TMEM63A: variants seen among roughly 807,000 people sequenced by gnomAD.
TMEM63A encodes the protein mechanosensitive cation channel TMEM63A.
A neutral mutation model predicts 100.6 loss-of-function variants in TMEM63A; 76 were observed. The ratio of observed to expected loss-of-function variants is 0.76; its 90% CI spans 0.63 to 0.91. The LOEUF is 0.91. TMEM63A is among the 40% of genes least tolerant of loss of function. The pLI, the probability that TMEM63A is intolerant of heterozygous loss-of-function variation, is 0.00. For synonymous variants in TMEM63A, 401 were observed against 401.1 expected (o/e 1.00, Z 0.00); for missense variants, 876 against 1,008.8 (o/e 0.87, Z 1.78).
chr1:225,861,009 T>C lies in TMEM63A; in HGVS notation c.1086-12A>G. On this transcript the variant is annotated splice_polypyrimidine_tract_variant and intron_variant, in intron 13 of 24. Coordinates refer to ENST00000366835, the MANE Select transcript of TMEM63A (RefSeq NM_014698.3). ...AATCTTTCAGGATGCTGCAAGGAAA[T>C]GTAGCAACAGCCAGGCCCAGGCTAC... 1 of 1,603,824 alleles carries C rather than the reference T, an allele frequency of 6.2e-7. No individual in the cohort carries two copies. Among genetic ancestry groups the C allele is most frequent in the Non-Finnish European group, 8.5e-7 (1 of 1,174,578 alleles).
chr1:225,857,013 G>A lies in TMEM63A; in HGVS notation c.1382C>T (p.Pro461Leu), dbSNP rs776000468. Reference sequence around the variant, plus strand: ...GGTGGGGAAGAACTGGCTGATGATCGGGTTCTAGGAGAAAGGTCCACAGCA... The same window carrying A: ...GGTGGGGAAGAACTGGCTGATGATCAGGTTCTAGGAGAAAGGTCCACAGCA... Reference protein sequence around the residue: ...VTKPIHALNNPIISQFFPTLL... With the variant: ...VTKPIHALNNLIISQFFPTLL... The change falls in exon 16 of 25, where the codon CCG becomes CTG. Residue 461 changes from proline to leucine, a missense_variant. Physicochemically the swap from Pro to Leu is moderately conservative, Grantham distance 98. Transcript: ENST00000366835. 6 of 1,579,770 alleles carry A rather than the reference G, an allele frequency of 3.8e-6. No homozygotes were observed. The highest frequency in any genetic ancestry group is 1.2e-5 in the South Asian group (1 of 84,900).
At chr1:225,875,797 C>T (rs1219493388) in intron 3 of TMEM63A, among the ~76,000 whole-genome samples, 1 of 151,688 alleles carries the variant, frequency 6.6e-6, no homozygotes, top group African/African-American at 2.4e-5. Context: ...GGCACCATGG[C>T]TCACTCCTGT....
At position 225,871,997 on chromosome 1, in the gene TMEM63A, T is replaced by C; in HGVS notation, c.323A>G (p.Glu108Gly). 6.2e-7 allele frequency: 1 copy of C among 1,613,462 alleles called. No homozygotes were observed. The change falls in exon 5 of 25, where the codon GAA becomes GGA. Residue 108 changes from glutamate (E) to glycine (G), a missense_variant. By Grantham distance (98) the Glu-to-Gly change is moderately conservative (BLOSUM62 -2). Transcript: ENST00000366835. Reference sequence around the variant, plus strand: ...GCCTTAGATACCAACCAGCTCATTTTCAAAGTCTTGTTGACCTGAGGAGGA... The same window carrying C: ...GCCTTAGATACCAACCAGCTCATTTCCAAAGTCTTGTTGACCTGAGGAGGA... ...STSSSGQQDF[E>G]NELGCCPWLT...
Position 225,877,537 on chromosome 1 carries a change from A to G in TMEM63A, c.44T>C (p.Val15Ala). 2 of 1,614,118 alleles carry G rather than the reference A, an allele frequency of 1.2e-6. No homozygotes were observed. The highest frequency in any genetic ancestry group is 1.7e-5 in the Admixed American group (1 of 60,014). ...PFLELWQSKA[V>A]SIREQLGLGD... ...GAGTCCCAGCTGCTCCCTGATGGAC[A>G]CTGCCTTGGACTGCCACAGCTCCAG... The change falls in exon 3 of 25, where the codon GTG becomes GCG. Residue 15 changes from valine to alanine, a missense_variant. Transcript: ENST00000366835.
chr1:225,878,665 A>T (rs2102649753), intron 2 of TMEM63A, among the ~76,000 whole-genome samples: 1 of 152,228 alleles, frequency 6.6e-6, no homozygotes, highest in South Asian at 2.1e-4. Context: ...ACCTGCCCAA[A>T]TCTGGTAAAT....
At chr1:225,854,727 G>A (rs1337665010) in intron 18 of TMEM63A, among the ~76,000 whole-genome samples, 3 of 152,140 alleles carry the variant, frequency 2.0e-5, no homozygotes, top group Admixed American at 6.6e-5. Context: ...GATGTTGTCC[G>A]CATAAGTTAA....
intron 18 of TMEM63A, 148 bp downstream of exon 18, chr1:225,855,730 T>C (rs1307555899): frequency 2.8e-6 from 2 of 721,840 alleles, no homozygotes; most frequent in East Asian, 5.8e-5. Context: ...AGGGTGGAGG[T>C]GAGGCCCCAA....
Position 225,862,665 on chromosome 1 carries a change from CA to C in TMEM63A, c.828-88del. 6.2e-7 allele frequency: 1 copy of C among 1,602,884 alleles called. No individual in the cohort carries two copies. The highest frequency in any genetic ancestry group is 1.1e-5 in the South Asian group (1 of 90,400). ...TACCCACAGTTCAACCATCGAACGC[CA>C]GGGGAGAAGGAGGGGTCCAGGGCCT... On this transcript the variant is annotated intron_variant, in intron 11 of 24. Transcript: ENST00000366835. This position sits in a 1 kb window ranked among gnomAD's most constrained non-coding sequence, Gnocchi z 5.1.
intron 6 of TMEM63A, among the ~76,000 whole-genome samples, chr1:225,868,812 C>T (rs1670348866): frequency 6.6e-6 from 1 of 152,200 alleles, no homozygotes; most frequent in Non-Finnish European, 1.5e-5. Flanking sequence ...CATCCTACCA[C>T]CCTGGCCTCC....
chr1:225,848,380 G>A lies in TMEM63A; in HGVS notation c.2250+112C>T, dbSNP rs534884670. The A allele has an allele frequency of 3.4e-5, 39 of 1,149,738 alleles. No homozygotes were observed. In the East Asian group the frequency reaches 9.4e-4, roughly 28 times the overall value. 71.2% of individuals were successfully genotyped at this position (1,149,738 alleles called of 1,614,324 possible). On this transcript the variant is annotated intron_variant, in intron 23 of 24. Transcript: ENST00000366835. Reference sequence around the variant, plus strand: ...ATTAATTCACAAACTTGCCTGCCATGTGATCTTAGCAAGAGATGATCAAAG... The same window carrying A: ...ATTAATTCACAAACTTGCCTGCCATATGATCTTAGCAAGAGATGATCAAAG...
intron 6 of TMEM63A, 142 bp downstream of exon 6, chr1:225,870,934 A>G (rs886708760): frequency 1.5e-5 from 12 of 819,760 alleles, no homozygotes; most frequent in Non-Finnish European, 2.3e-5. Context: ...CAGCCCTCAC[A>G]TACTGCTTTG....
intron 1 of TMEM63A, among the ~76,000 whole-genome samples, chr1:225,880,052 A>T (rs1671013255): frequency 6.6e-6 from 1 of 152,054 alleles, no homozygotes; most frequent in Admixed American, 6.6e-5. Context: ...CTCCAGCCCC[A>T]GTCATGCCTC....
chr1:225,869,756 G>A (rs1176768128), intron 6 of TMEM63A, among the ~76,000 whole-genome samples: 5 of 144,850 alleles, frequency 3.5e-5, no homozygotes, highest in East Asian at 4.2e-4. Context: ...TCCGCCTTCC[G>A]GTTTCAAGCG....
chr1:225,881,885 G>C (rs754012838), intron 1 of TMEM63A, among the ~76,000 whole-genome samples: 2 of 123,770 alleles, frequency 1.6e-5, no homozygotes, highest in Non-Finnish European at 3.2e-5. Flanking sequence ...ACAGCCCGAG[G>C]GGTGGCCTCT....
At chr1:225,850,608 CTG>C (rs930517670) in intron 20 of TMEM63A, among the ~76,000 whole-genome samples, 1 of 152,180 alleles carries the variant, frequency 6.6e-6, no homozygotes, top group Non-Finnish European at 1.5e-5. Flanking sequence ...GTCATTTAGT[CTG>C]TACTAAATAA....
rs1486039338 is a variant in TMEM63A, at chr1:225,873,205, GC to G, written c.266+1082del. ...GTCGCACAGCCAGGGATACAGCAGG[GC>G]CCTCTGATCCCCAGGTGGTCTTTTC... On this transcript the variant is annotated intron_variant, in intron 4 of 24. Coordinates refer to ENST00000366835, the MANE Select transcript of TMEM63A (RefSeq NM_014698.3). Among the ~76,000 whole-genome samples, 6 of 152,314 alleles carry G rather than the reference GC, an allele frequency of 3.9e-5. No individual in the cohort carries two copies. The East Asian group carries it at 7.7e-4, about 20-fold the overall frequency.
At chr1:225,852,506 G>C (rs1333526339) in intron 20 of TMEM63A, among the ~76,000 whole-genome samples, 158 bp downstream of exon 20, 1 of 152,126 alleles carries the variant, frequency 6.6e-6, no homozygotes, top group African/African-American at 2.4e-5. Flanking sequence ...AGAAATGAGT[G>C]AAATCTGGTG....
At chr1:225,849,595 G>T (rs568674635) in intron 21 of TMEM63A, among the ~76,000 whole-genome samples, 5 of 152,292 alleles carry the variant, frequency 3.3e-5, no homozygotes, top group Admixed American at 1.3e-4. Flanking sequence ...CTTCACAAGG[G>T]TTACACCTGC....
chr1:225,853,675 C>A lies in TMEM63A; in HGVS notation c.1751G>T (p.Arg584Leu), dbSNP rs760750326. The change falls in exon 19 of 25, where the codon CGC (arginine) becomes CTC (leucine). Residue 584 changes from arginine to leucine, a missense_variant. By Grantham distance (102) the Arg-to-Leu change is moderately radical (BLOSUM62 -2). Coordinates refer to ENST00000366835, the MANE Select transcript of TMEM63A (RefSeq NM_014698.3). The surrounding 1 kb of genome is among the most constrained non-coding windows in gnomAD (Gnocchi z 4.0). Reference sequence around the variant, plus strand: ...AGCAGCCGTCTTGGCCATGATCATGCGGAAGGTATAGAGGATGAGACCTGG... The same window carrying A: ...AGCAGCCGTCTTGGCCATGATCATGAGGAAGGTATAGAGGATGAGACCTGG... ...RLPGLILYTF[R>L]MIMAKTAADR... The A allele has an allele frequency of 1.3e-6, 2 of 1,581,510 alleles. No homozygotes were observed. Among genetic ancestry groups the A allele is most frequent in the Non-Finnish European group, 8.6e-7 (1 of 1,163,606 alleles).
Sources: gnomAD v4.1 joint callset for allele counts (sites outside exome capture counted in the v4.1 genomes callset) on GRCh38, gnomAD v4.1.1 for gene constraint, Gnocchi (gnomAD v3.1) non-coding constraint, MANE v1.5 for transcripts, NCBI Gene and HGNC (gene_info 2026-07-23, HGNC 2026-07-21) for gene names.